The following ABCA4 variants were observed in gnomAD, a reference collection of about 807,000 sequenced individuals.
ABCA4 encodes the protein retinal-specific phospholipid-transporting ATPase ABCA4.
In ABCA4, 196 loss-of-function variants were observed where a neutral mutation model predicts 263.7. That is an observed-to-expected ratio of 0.74 (90% CI 0.66 to 0.84). The LOEUF is 0.84. Ranked by LOEUF, ABCA4 falls within the 40% of genes least tolerant of loss-of-function variation. The pLI is 0.00. For missense variants in ABCA4, 2,792 were observed against 2,855.1 expected, an observed-to-expected ratio of 0.98 and a Z score of 0.50; for synonymous variants, 1,133 against 1,094.2, an observed-to-expected ratio of 1.04 and a Z score of -0.70.
chr1:94,061,789 CAA>C (rs752053750), intron 13 of ABCA4, among the ~76,000 whole-genome samples: 2 of 152,226 alleles, frequency 1.3e-5, no homozygotes, highest in Non-Finnish European at 2.9e-5. Flanking sequence ...ACTGTTATCT[CAA>C]GTTTTCTGTA....
chr1:94,042,520 G>T (rs564565752), intron 22 of ABCA4, among the ~76,000 whole-genome samples: 16 of 152,316 alleles, frequency 1.1e-4, no homozygotes, highest in African/African-American at 2.9e-4. Flanking sequence ...TGCAGGTCAA[G>T]AGAATTTTCT....
chr1:94,024,861 A>T (rs1435564480), intron 31 of ABCA4, 93 bp downstream of exon 31: 2 of 1,154,966 alleles, frequency 1.7e-6, no homozygotes, highest in African/African-American at 1.5e-5. Flanking sequence ...TGCCCTGATC[A>T]TACATAAATT....
intron 35 of ABCA4, among the ~76,000 whole-genome samples, chr1:94,020,202 A>G (rs1358690920): frequency 2.0e-5 from 3 of 152,198 alleles, no homozygotes; most frequent in African/African-American, 7.2e-5. Flanking sequence ...AGTACATCGT[A>G]ACACAAGGAA....
At chr1:94,010,993 A>C in intron 39 of ABCA4, 64 bp from the exon 40 acceptor site, 1 of 1,613,274 alleles carries the variant, frequency 6.2e-7, no homozygotes, top group African/African-American at 1.3e-5. Flanking sequence ...ACCTGGCCAC[A>C]GCACAGGGCC....
intron 6 of ABCA4, among the ~76,000 whole-genome samples, chr1:94,085,251 T>C (rs776535528): frequency 2.0e-5 from 3 of 152,120 alleles, no homozygotes; most frequent in Non-Finnish European, 4.4e-5. Flanking sequence ...GAAAAAAAGG[T>C]GGAGAACAGT....
chr1:94,043,300 C>A, intron 21 of ABCA4, 36 bp downstream of exon 21: 1 of 1,613,664 alleles, frequency 6.2e-7, no homozygotes, highest in Non-Finnish European at 8.5e-7. Flanking sequence ...CATGGATTTG[C>A]CATCTGTGGC....
intron 44 of ABCA4, among the ~76,000 whole-genome samples, chr1:94,003,604 G>A (rs1328845685): frequency 3.3e-5 from 5 of 152,022 alleles, no homozygotes; most frequent in Non-Finnish European, 7.4e-5. Flanking sequence ...TAAGCAATCT[G>A]TACAGAGTTA....
At chr1:94,120,180 T>C (rs10782977) in intron 1 of ABCA4, among the ~76,000 whole-genome samples, 151,754 of 152,346 alleles carry the variant, frequency 1, 75,586 homozygotes, top group Middle Eastern at 1. Flanking sequence ...CACCTTTTGC[T>C]CGCACTTCTC....
chr1:94,079,547 C>T, intron 8 of ABCA4, 86 bp from the exon 9 acceptor site: 1 of 1,577,234 alleles, frequency 6.3e-7, no homozygotes, highest in African/African-American at 1.3e-5. Flanking sequence ...CATCACATGT[C>T]TCATTCAACT....
chr1:94,036,674 G>T, intron 26 of ABCA4, 66 bp downstream of exon 26: 1 of 1,549,876 alleles, frequency 6.5e-7, no homozygotes, highest in Non-Finnish European at 8.9e-7. Context: ...CAGCCCCTTA[G>T]ACTTTCGAGA....
rs61751396 is a variant in ABCA4 at position 94,051,710 on chromosome 1, G to C, written c.2588-12C>G. ...GGTTCCATAGTCTCCTAAAAATAGA[G>C]ACAAATAAACAGAGAAAGTCGAAGG... On this transcript the variant is annotated splice_polypyrimidine_tract_variant and intron_variant, in intron 16 of 49. Coordinates refer to ENST00000370225, the MANE Select transcript of ABCA4 (RefSeq NM_000350.3). 2.2e-3 allele frequency: 3,562 copies of C among 1,606,312 alleles called. 12 individuals are homozygous for C. The highest frequency in any genetic ancestry group is 2.5e-3 in the Non-Finnish European group (2,884 of 1,172,976).
chr1:94,057,793 T>C (rs1661020351), intron 14 of ABCA4, among the ~76,000 whole-genome samples: 1 of 152,236 alleles, frequency 6.6e-6, no homozygotes, highest in South Asian at 2.1e-4. Flanking sequence ...TAAACTGAGA[T>C]TGTCAAAGGT....
intron 45 of ABCA4, chr1:94,001,485 A>G: frequency 1.9e-6 from 1 of 526,144 alleles, no homozygotes; most frequent in Non-Finnish European, 3.6e-6. Flanking sequence ...CTGCGTGGGC[A>G]TGGCCTCAGG....
chr1:94,009,387 T>C (rs1410315558), intron 40 of ABCA4, among the ~76,000 whole-genome samples: 4 of 152,182 alleles, frequency 2.6e-5, no homozygotes, highest in African/African-American at 9.7e-5. Context: ...GGCCACCTCA[T>C]GCCTCAAAAC....
At chr1:94,014,447 T>C in intron 38 of ABCA4, 96 bp downstream of exon 38, 1 of 1,411,894 alleles carries the variant, frequency 7.1e-7, no homozygotes, top group Non-Finnish European at 1.0e-6. Flanking sequence ...CGCATACAGC[T>C]GCTACATGTA....
chr1:94,062,851 C>T, intron 12 of ABCA4, 98 bp from the exon 13 acceptor site: 4 of 1,359,068 alleles, frequency 2.9e-6, no homozygotes, highest in Non-Finnish European at 4.1e-6. Flanking sequence ...CTCTTAAAAT[C>T]TTTCTCCTAA....
At chr1:94,089,489 A>G (rs1166734221) in intron 6 of ABCA4, among the ~76,000 whole-genome samples, 1 of 144,554 alleles carries the variant, frequency 6.9e-6, no homozygotes, top group Non-Finnish European at 1.5e-5. Flanking sequence ...TTTTTTTGAG[A>G]TGGAGTGTCA....
Position 94,006,279 on chromosome 1 carries a change from AG to A in ABCA4, c.6006-698del, listed in dbSNP as rs4147902. On this transcript the variant is annotated intron_variant, in intron 43 of 49. Transcript: ENST00000370225. ...TCCCCACAATGACAAAAGCCACCAA[AG>A]GCATGGCTGGGCCAATTAAAACTAC... is the stretch of plus-strand genomic sequence containing the variant. Among the ~76,000 whole-genome samples, 28,606 of 152,158 alleles carry A rather than the reference AG, an allele frequency of 0.19. 2,803 individuals carry two copies. The highest frequency in any genetic ancestry group is 0.23 in the African/African-American group (9,649 of 41,508).
intron 21 of ABCA4, 31 bp downstream of exon 21, chr1:94,043,305 T>C (rs1297685366): frequency 6.2e-7 from 1 of 1,613,860 alleles, no homozygotes; most frequent in South Asian, 1.1e-5. Flanking sequence ...ATTTGCCATC[T>C]GTGGCCCTGT....
Sources: allele counts gnomAD v4.1 joint callset (sites outside exome capture counted in the v4.1 genomes callset), GRCh38; gene constraint gnomAD v4.1.1; transcripts MANE v1.5; gene names NCBI Gene and HGNC (gene_info 2026-07-23, HGNC 2026-07-21).